MXI1: variants seen among roughly 807,000 people sequenced by gnomAD.
MXI1 encodes the protein MAX interactor 1, dimerization protein, also known as max-interacting protein 1.
MXI1 carries 18 observed loss-of-function variants against 36.9 expected under a neutral mutation model. That is an observed-to-expected ratio of 0.49 (90% CI 0.34 to 0.72). MXI1 has a LOEUF of 0.72. Among genes scored for constraint, MXI1 ranks in the 30% least tolerant of loss-of-function variants. The pLI is 0.01. For synonymous variants in MXI1, 160 were observed against 146.7 expected, an observed-to-expected ratio of 1.09 and a Z score of -0.65; for missense variants, 304 against 379.1, an observed-to-expected ratio of 0.80 and a Z score of 1.64.
At chr10:110,229,143 T>G (rs1855169263) in intron 2 of MXI1, among the ~76,000 whole-genome samples, 2 of 152,246 alleles carry the variant, frequency 1.3e-5, no homozygotes, top group African/African-American at 4.8e-5. Context: ...TTCGGTGTTT[T>G]TATTCTAGGG....
intron 1 of MXI1, among the ~76,000 whole-genome samples, chr10:110,223,004 C>T (rs1029432940): frequency 2.6e-5 from 4 of 152,136 alleles, no homozygotes; most frequent in African/African-American, 7.2e-5. Flanking sequence ...TACTGCCCAC[C>T]ATGATCATCA....
At chr10:110,232,924 AGT>A (rs1855327663) in intron 2 of MXI1, among the ~76,000 whole-genome samples, 1 of 152,264 alleles carries the variant, frequency 6.6e-6, no homozygotes, top group South Asian at 2.1e-4. Flanking sequence ...AAGAACATTC[AGT>A]GTCATCCTGT....
chr10:110,213,343 TTGAA>T (rs1273389806), intron 1 of MXI1, among the ~76,000 whole-genome samples: 1 of 152,244 alleles, frequency 6.6e-6, no homozygotes, highest in Non-Finnish European at 1.5e-5. Flanking sequence ...CAAATGTACA[TTGAA>T]TGTCTACTAT....
At chr10:110,214,737 A>G (rs1259904762) in intron 1 of MXI1, among the ~76,000 whole-genome samples, 4 of 150,368 alleles carry the variant, frequency 2.7e-5, no homozygotes, top group African/African-American at 4.9e-5. Flanking sequence ...CTTGGTCTTC[A>G]CTTAGATACC....
At chr10:110,227,956 G>C (rs754110574) in intron 1 of MXI1, 2 of 499,090 alleles carry the variant, frequency 4.0e-6, no homozygotes, top group South Asian at 5.8e-5. Flanking sequence ...TTTTGGAAAG[G>C]GGGGATAAAC....
At chr10:110,248,148 C>T (rs900813944) in intron 3 of MXI1, among the ~76,000 whole-genome samples, 1 of 151,994 alleles carries the variant, frequency 6.6e-6, no homozygotes, top group African/African-American at 2.4e-5. Context: ...TGAACAATGA[C>T]AACACATGGA....
chr10:110,224,024 G>T (rs771232634), intron 1 of MXI1, among the ~76,000 whole-genome samples: 11 of 152,072 alleles, frequency 7.2e-5, no homozygotes, highest in Non-Finnish European at 1.5e-4. Flanking sequence ...AAAACAAAAG[G>T]TATGAGGGAA....
intron 3 of MXI1, among the ~76,000 whole-genome samples, chr10:110,246,249 G>A (rs1164338561): frequency 6.6e-6 from 1 of 152,046 alleles, no homozygotes; most frequent in African/African-American, 2.4e-5. Flanking sequence ...CTTGAGCCCA[G>A]GAGTTGAAGG....
At chr10:110,273,436 A>C (rs1444913876) in intron 3 of MXI1, among the ~76,000 whole-genome samples, 1 of 152,196 alleles carries the variant, frequency 6.6e-6, no homozygotes, top group Non-Finnish European at 1.5e-5. Context: ...CATGAACCAC[A>C]ATATGCTTTT....
intron 5 of MXI1, among the ~76,000 whole-genome samples, chr10:110,281,363 TC>T (rs1264483714): frequency 6.6e-6 from 1 of 152,210 alleles, no homozygotes; most frequent in Non-Finnish European, 1.5e-5. Context: ...ATTCAGATAA[TC>T]TTTTTTAATA....
At position 110,233,874 on chromosome 10, in the gene MXI1, T is replaced by C. The variant is rs910604159; in HGVS notation, c.407+5553T>C. 3.3e-5 allele frequency among the ~76,000 whole-genome samples: 5 copies of C among 152,292 alleles called. No individual in the cohort carries two copies. The South Asian group carries it at 8.3e-4, about 25-fold the overall frequency. On this transcript the variant is annotated intron_variant, in intron 2 of 5. Coordinates refer to ENST00000332674, the MANE Select transcript of MXI1 (RefSeq NM_130439.3). ...CTATGGAAGTATTGAAGGAAACTTGTATGATCATGCCTTGTAAGTCAGTAG... is the reference window on the plus strand; with the variant it reads ...CTATGGAAGTATTGAAGGAAACTTGCATGATCATGCCTTGTAAGTCAGTAG...
At chr10:110,257,874 C>CA (rs1334837143) in intron 3 of MXI1, 2 of 287,386 alleles carry the variant, frequency 7.0e-6, no homozygotes, top group Admixed American at 3.8e-5. Flanking sequence ...AACAAACAAA[C>CA]AAAAAACAAA....
chr10:110,214,022 G>A (rs374340124), intron 1 of MXI1, among the ~76,000 whole-genome samples: 4 of 152,150 alleles, frequency 2.6e-5, no homozygotes, highest in Admixed American at 6.5e-5. Context: ...CCTCTTTTAC[G>A]GAGGAGGGAA....
chr10:110,227,210 A>T, intron 1 of MXI1: 5 of 175,218 alleles, frequency 2.9e-5, no homozygotes, highest in Non-Finnish European at 3.4e-5. Flanking sequence ...CGCGTGTGTG[A>T]GGGGTGCGCG....
chr10:110,224,528 G>T (rs1854904719), intron 1 of MXI1, among the ~76,000 whole-genome samples: 1 of 151,994 alleles, frequency 6.6e-6, no homozygotes, highest in East Asian at 1.9e-4. Flanking sequence ...GAATTACCCA[G>T]ATCAAAATGT....
intron 3 of MXI1, among the ~76,000 whole-genome samples, chr10:110,254,958 G>A (rs949273693): frequency 4.6e-5 from 7 of 151,992 alleles, no homozygotes; most frequent in African/African-American, 1.5e-4. Flanking sequence ...AATAATCAAC[G>A]AAGGTGGCAA....
chr10:110,276,798 A>T (rs1857048090), intron 3 of MXI1, among the ~76,000 whole-genome samples: 1 of 151,846 alleles, frequency 6.6e-6, no homozygotes, highest in Non-Finnish European at 1.5e-5. Flanking sequence ...CCTTGATGTG[A>T]AAGTTTATGG....
intron 1 of MXI1, among the ~76,000 whole-genome samples, chr10:110,215,630 G>A (rs189735264): frequency 6.6e-5 from 10 of 152,330 alleles, no homozygotes; most frequent in Admixed American, 1.3e-4. Context: ...ACTGATCCCA[G>A]GGTGTGTCCG....
At chr10:110,226,057 A>AGGGGCGGCGGAGAGCGCGC (rs1854955800) in intron 1 of MXI1, 2 of 996,778 alleles carry the variant, frequency 2.0e-6, no homozygotes, top group African/African-American at 3.5e-5. Flanking sequence ...CTGGGGCGGC[A>AGGGGCGGCGGAGAGCGCGC]GGGGCGGCGG....
Sources: allele counts gnomAD v4.1 joint callset (sites outside exome capture counted in the v4.1 genomes callset), GRCh38; gene constraint gnomAD v4.1.1; transcripts MANE v1.5; gene names NCBI Gene and HGNC (gene_info 2026-07-23, HGNC 2026-07-21).